KSR2: variants seen among roughly 807,000 people sequenced by gnomAD.
KSR2 encodes the protein kinase suppressor of ras 2.
A neutral mutation model predicts 107.8 loss-of-function variants in KSR2; 25 were observed. The ratio of observed to expected loss-of-function variants is 0.23; its 90% CI spans 0.17 to 0.32. The LOEUF is 0.32. Among genes scored for constraint, KSR2 ranks in the 10% least tolerant of loss-of-function variants. The pLI, the probability that KSR2 is intolerant of heterozygous loss-of-function variation, is 1.00. For synonymous variants in KSR2, 480 were observed against 507.0 expected, an observed-to-expected ratio of 0.95 and a Z score of 0.71; for missense variants, 887 against 1,268.9, an observed-to-expected ratio of 0.70 and a Z score of 4.57.
In KSR2 at chr12:117,777,091, TA is replaced by T. The variant is rs1566009171; in HGVS notation, c.473-15568del. Among the ~76,000 whole-genome samples the T allele has an allele frequency of 2.3e-4, 24 of 103,062 alleles. 1 individual carries two copies. The highest frequency in any genetic ancestry group is 9.0e-4 in the African/African-American group (23 of 25,452). The allele number at this position is 103,062 out of a possible 152,430, so 67.6% of individuals were successfully genotyped here. A position where few individuals can be genotyped will look rare whatever the true frequency, so the allele number is the denominator to read the frequency against. On this transcript the variant is annotated intron_variant, in intron 3 of 19. Coordinates refer to ENST00000339824, the MANE Select transcript of KSR2 (RefSeq NM_173598.6). ...CACTGTATTTAATATATATATTTTA[TA>T]TATATATATATATATACACACACAC...
At chr12:117,652,863 G>A (rs547211492) in intron 5 of KSR2, among the ~76,000 whole-genome samples, 8 of 152,190 alleles carry the variant, frequency 5.3e-5, no homozygotes, top group African/African-American at 1.7e-4. Context: ...GTGGGTCTCC[G>A]GACTCATCCT....
rs375084993 is a variant in KSR2 at position 117,563,417 on chromosome 12, C to A, written c.1326-4844G>T. 3.9e-5 allele frequency among the ~76,000 whole-genome samples: 6 copies of A among 152,184 alleles called. 1 individual carries two copies. Among genetic ancestry groups the A allele is most frequent in the East Asian group, 1.9e-4 (1 of 5,192 alleles). ...CTAGGTTCAAATCCTGATACCACCA[C>A]TCCCTGGCTGTGATAACTTGGGCAA... On this transcript the variant is annotated intron_variant, in intron 7 of 19. Coordinates refer to ENST00000339824, the MANE Select transcript of KSR2 (RefSeq NM_173598.6).
At chr12:117,849,726 C>CACAGAG (rs201491663) in intron 3 of KSR2, among the ~76,000 whole-genome samples, 1,707 of 152,256 alleles carry the variant, frequency 0.011, 30 homozygotes, top group African/African-American at 0.039. Flanking sequence ...GACAGACAGA[C>CACAGAG]ACAGAGACAG....
chr12:117,513,053 G>C (rs1874133425), intron 14 of KSR2, among the ~76,000 whole-genome samples: 1 of 151,926 alleles, frequency 6.6e-6, no homozygotes, highest in Non-Finnish European at 1.5e-5. Flanking sequence ...CCTACTTTGT[G>C]CAGGTGCTGT....
At position 117,761,004 on chromosome 12, in the gene KSR2, C is replaced by G. The variant is rs1593207960; in HGVS notation, c.986+7G>C. On this transcript the variant is annotated splice_region_variant and intron_variant, in intron 4 of 19. Coordinates refer to ENST00000339824, the MANE Select transcript of KSR2 (RefSeq NM_173598.6). ...ACCGCCCCAGGGCACCCACCGATCG[C>G]ACTCACTTGGGCGTGTGGGCCTCGT... The G allele has an allele frequency of 6.2e-7, 1 of 1,613,234 alleles. No homozygotes were observed. The highest frequency in any genetic ancestry group is 1.3e-5 in the African/African-American group (1 of 75,030).
At chr12:117,471,433 C>T (rs1259848288) in intron 17 of KSR2, 113 bp from the exon 18 acceptor site, 4 of 1,137,582 alleles carry the variant, frequency 3.5e-6, no homozygotes, top group Non-Finnish European at 5.0e-6. Context: ...ATTCTTCTCC[C>T]CACTTTCTTC....
chr12:117,785,510 A>G (rs1665172), intron 3 of KSR2, among the ~76,000 whole-genome samples: 1 of 151,370 alleles, frequency 6.6e-6, no homozygotes, highest in Non-Finnish European at 1.5e-5. Context: ...ACTTTAAAGC[A>G]GGCATTATGA....
At chr12:117,846,831 C>T (rs927372320) in intron 3 of KSR2, among the ~76,000 whole-genome samples, 4 of 152,246 alleles carry the variant, frequency 2.6e-5, no homozygotes, top group East Asian at 1.9e-4. Flanking sequence ...GTCTGGTGAC[C>T]GCTGTACTGA....
intron 14 of KSR2, among the ~76,000 whole-genome samples, chr12:117,499,726 A>T (rs1873266723): frequency 6.6e-6 from 1 of 152,192 alleles, no homozygotes; most frequent in African/African-American, 2.4e-5. Flanking sequence ...GGCTCAGGAA[A>T]GTTTGGTCCC....
intron 3 of KSR2, among the ~76,000 whole-genome samples, chr12:117,832,599 G>A (rs1892019395): frequency 1.3e-5 from 2 of 152,316 alleles, no homozygotes; most frequent in East Asian, 1.9e-4. Flanking sequence ...CGGAGGTCAG[G>A]CCAGTAGCTG....
intron 4 of KSR2, among the ~76,000 whole-genome samples, chr12:117,742,825 G>C (rs376341214): frequency 6.6e-6 from 1 of 152,254 alleles, no homozygotes; most frequent in African/African-American, 2.4e-5. Context: ...GTCATTCAGA[G>C]ACTCTCTCTT....
At chr12:117,560,474 G>T (rs1288730032) in intron 7 of KSR2, among the ~76,000 whole-genome samples, 1 of 152,054 alleles carries the variant, frequency 6.6e-6, no homozygotes, top group Non-Finnish European at 1.5e-5. Context: ...AGGGTGAGAC[G>T]TAAGCCCCTC....
intron 4 of KSR2, among the ~76,000 whole-genome samples, chr12:117,732,787 A>G (rs889766675): frequency 3.9e-5 from 6 of 152,164 alleles, no homozygotes; most frequent in African/African-American, 1.4e-4. Context: ...AGGCCTCATT[A>G]CCAGTGACCA....
intron 9 of KSR2, among the ~76,000 whole-genome samples, chr12:117,545,032 G>A (rs541031852): frequency 5.3e-5 from 8 of 152,176 alleles, no homozygotes; most frequent in Non-Finnish European, 1.0e-4. Flanking sequence ...CTTTTATCAC[G>A]AATGGTTTTT....
intron 12 of KSR2, among the ~76,000 whole-genome samples, chr12:117,529,398 T>C (rs1158935044): frequency 2.6e-5 from 4 of 152,266 alleles, no homozygotes; most frequent in East Asian, 1.9e-4. Context: ...GTATTTTTAA[T>C]ATAGACGGGG....
chr12:117,514,999 C>T (rs978315273), intron 14 of KSR2, among the ~76,000 whole-genome samples: 1 of 152,142 alleles, frequency 6.6e-6, no homozygotes, highest in Non-Finnish European at 1.5e-5. Context: ...TGTCCATCTG[C>T]CTAATTACTT....
At chr12:117,788,248 C>A (rs1593236740) in intron 3 of KSR2, among the ~76,000 whole-genome samples, 1 of 152,356 alleles carries the variant, frequency 6.6e-6, no homozygotes, top group African/African-American at 2.4e-5. Flanking sequence ...ATAAGGTCAG[C>A]AACTCCCTGT....
Position 117,455,306 on chromosome 12 carries a change from G to A in KSR2, c.*11893C>T, listed in dbSNP as rs560685561. ...CAAAATCAGGCTTTGGGGAAAGCAG[G>A]GAAAGGCAGGCAAGTGCCAGGGGGC... On this transcript the variant is annotated 3_prime_UTR_variant, in exon 20 of 20. Coordinates refer to ENST00000339824, the MANE Select transcript of KSR2 (RefSeq NM_173598.6). 6.6e-6 allele frequency: 1 copy of A among 152,452 alleles called. No homozygotes were observed. The highest frequency in any genetic ancestry group is 2.1e-4 in the South Asian group (1 of 4,826). 9.4% of individuals were successfully genotyped at this position (152,452 alleles called of 1,614,324 possible).
intron 8 of KSR2, 88 bp from the exon 9 acceptor site, chr12:117,555,381 T>C: frequency 7.3e-7 from 1 of 1,361,788 alleles, no homozygotes; most frequent in East Asian, 2.4e-5. Flanking sequence ...TCCCACCTCT[T>C]AGACCCACCC....
Sources: allele counts gnomAD v4.1 joint callset (sites outside exome capture counted in the v4.1 genomes callset), GRCh38; gene constraint gnomAD v4.1.1; transcripts MANE v1.5; gene names NCBI Gene and HGNC (gene_info 2026-07-23, HGNC 2026-07-21).